Variants in INPP5D observed in about 807,000 individuals in gnomAD.
INPP5D encodes the protein phosphatidylinositol 3,4,5-trisphosphate 5-phosphatase 1.
In INPP5D, 33 loss-of-function variants were observed where a neutral mutation model predicts 122.9. That is an observed-to-expected ratio of 0.27 (90% CI 0.20 to 0.36). INPP5D has a LOEUF of 0.36. Ranked by LOEUF, INPP5D falls within the 10% of genes least tolerant of loss-of-function variation. The probability of loss-of-function intolerance (pLI) is 1.00; values close to 1 mark genes in which losing one functional copy is unlikely to be tolerated. For missense variants in INPP5D, 1,053 were observed against 1,412.7 expected, an observed-to-expected ratio of 0.75 and a Z score of 4.08; for synonymous variants, 584 against 576.2, an observed-to-expected ratio of 1.01 and a Z score of -0.19.
intron 9 of INPP5D, 93 bp downstream of exon 9, chr2:233,147,687 G>T: frequency 3.0e-6 from 2 of 674,578 alleles, no homozygotes; most frequent in East Asian, 2.7e-5. Context: ...TGCCCTGCAG[G>T]TCTGTCTTCC....
intron 26 of INPP5D, 25 bp downstream of exon 26, chr2:233,204,742 G>A (rs968600261): frequency 4.1e-6 from 6 of 1,459,760 alleles, no homozygotes; most frequent in African/African-American, 1.4e-5. Flanking sequence ...ACGTGGGTTC[G>A]TGTGCATTTG....
Position 233,092,584 on chromosome 2 carries a change from G to A in INPP5D, c.198+13186G>A, listed in dbSNP as rs142032579. Among the ~76,000 whole-genome samples, 182 of 152,312 alleles carry A rather than the reference G, an allele frequency of 1.2e-3. 1 individual carries two copies. The East Asian group carries it at 0.019, about 16-fold the overall frequency. ...GTGGTTAAATTCTCGAAGGGGAGGA[G>A]TTTAAATGGAGCTGCATGTAAATAC... On this transcript the variant is annotated intron_variant, in intron 2 of 26. Coordinates refer to ENST00000445964, the MANE Select transcript of INPP5D (RefSeq NM_001017915.3).
chr2:233,097,891 C>CT (rs1199718095), intron 2 of INPP5D, among the ~76,000 whole-genome samples: 2,633 of 142,256 alleles, frequency 0.019, 65 homozygotes, highest in African/African-American at 0.053. Context: ...TGTCTCATTT[C>CT]TTTTTTTTTT....
intron 2 of INPP5D, among the ~76,000 whole-genome samples, chr2:233,108,040 C>A (rs1692513089): frequency 6.6e-6 from 1 of 152,164 alleles, no homozygotes; most frequent in African/African-American, 2.4e-5. Context: ...AGTTTCCCCC[C>A]TCCCACCTCT....
At chr2:233,167,073 A>T (rs1163123112) in intron 13 of INPP5D, among the ~76,000 whole-genome samples, 1 of 151,886 alleles carries the variant, frequency 6.6e-6, no homozygotes, top group African/African-American at 2.4e-5. Flanking sequence ...GAATCATCTC[A>T]TTTGATATAA....
At position 233,185,853 on chromosome 2, in the gene INPP5D, G is replaced by T; in HGVS notation, c.2286G>T (p.Lys762Asn). The change falls in exon 21 of 27, where the codon AAG (lysine) becomes AAT (asparagine). Residue 762 changes from lysine (K) to asparagine (N), a missense_variant. By Grantham distance (94) the Lys-to-Asn change is moderately conservative (BLOSUM62 0). Around this residue, in one of 6 missense-constraint regions of INPP5D, gnomAD observed 258 missense variants for 439.1 expected, o/e 0.59. Coordinates refer to ENST00000445964, the MANE Select transcript of INPP5D (RefSeq NM_001017915.3). ...FHSSCLESFVKSQEGENEEGS... is the reference protein window; with the variant it reads ...FHSSCLESFVNSQEGENEEGS... ...TTTGTCCTCCAACAGGTTTTGTCAA[G>T]AGTCAGGAAGGAGAAAATGAAGAAG... 1 of 1,604,238 alleles carries T rather than the reference G, an allele frequency of 6.2e-7. No homozygotes were observed. The highest frequency in any genetic ancestry group is 8.5e-7 in the Non-Finnish European group (1 of 1,175,258).
At chr2:233,060,814 C>G (rs952986887) in intron 1 of INPP5D, among the ~76,000 whole-genome samples, 13 of 152,208 alleles carry the variant, frequency 8.5e-5, no homozygotes, top group African/African-American at 2.9e-4. Flanking sequence ...GCTGTCAGAA[C>G]CACTCTGAGG....
chr2:233,195,318 A>C lies in INPP5D; in HGVS notation c.2597-81A>C. 3 of 1,605,668 alleles carry C rather than the reference A, an allele frequency of 1.9e-6. No homozygotes were observed. The African/African-American group carries it at 4.0e-5, about 21-fold the overall frequency. On this transcript the variant is annotated intron_variant, in intron 23 of 26. Coordinates refer to ENST00000445964, the MANE Select transcript of INPP5D (RefSeq NM_001017915.3). ...ATTCACTGTGCAGCTTCAGCCTGCAAATGGAAACCCCTTTGCCATCCCTCG... is the reference window on the plus strand; with the variant it reads ...ATTCACTGTGCAGCTTCAGCCTGCACATGGAAACCCCTTTGCCATCCCTCG...
At chr2:233,199,807 C>T (rs554469839) in intron 25 of INPP5D, among the ~76,000 whole-genome samples, 26 of 151,936 alleles carry the variant, frequency 1.7e-4, no homozygotes, top group Non-Finnish European at 2.6e-4. Flanking sequence ...CCAGCCTGGG[C>T]GACAAAGCGA....
intron 2 of INPP5D, among the ~76,000 whole-genome samples, chr2:233,111,366 G>A (rs906752240): frequency 2.7e-5 from 4 of 150,724 alleles, no homozygotes; most frequent in Non-Finnish European, 1.5e-5. Context: ...ACACACACAC[G>A]CACACACACA....
Position 233,177,675 on chromosome 2 carries a change from G to A in INPP5D, c.2071+329G>A, listed in dbSNP as rs143371597. Among the ~76,000 whole-genome samples the A allele has an allele frequency of 8.5e-4, 130 of 152,286 alleles. 5 individuals carry two copies. Among genetic ancestry groups the A allele is most frequent in the African/African-American group, 2.9e-3 (121 of 41,562 alleles). ...CACAACTTCTACCTCCTGGGTTCAA[G>A]CGATTCTCGTGCCACAGCCTCCCCA... On this transcript the variant is annotated intron_variant, in intron 18 of 26. Transcript: ENST00000445964. The surrounding 1 kb of genome is among the most constrained non-coding windows in gnomAD (Gnocchi z 4.2).
chr2:233,107,548 G>A (rs1350817340), intron 2 of INPP5D, among the ~76,000 whole-genome samples: 1 of 152,248 alleles, frequency 6.6e-6, no homozygotes, highest in Non-Finnish European at 1.5e-5. Flanking sequence ...GTGGGGCAAA[G>A]CCCATGCCAG....
chr2:233,186,089 G>A (rs1022709326), intron 21 of INPP5D, among the ~76,000 whole-genome samples, 164 bp downstream of exon 21: 1 of 152,162 alleles, frequency 6.6e-6, no homozygotes, highest in Non-Finnish European at 1.5e-5. Context: ...CGCTCAAGGT[G>A]GTTCGTAACA....
intron 2 of INPP5D, among the ~76,000 whole-genome samples, chr2:233,081,754 A>T (rs761377830): frequency 1.4e-4 from 21 of 151,598 alleles, no homozygotes; most frequent in Non-Finnish European, 2.9e-4. Context: ...GGGCCTTGGA[A>T]CCAGAAGAGC....
chr2:233,187,426 G>A (rs980071863), intron 21 of INPP5D, among the ~76,000 whole-genome samples: 1 of 152,182 alleles, frequency 6.6e-6, no homozygotes, highest in Non-Finnish European at 1.5e-5. Context: ...TCCCTCAGAG[G>A]TGACACTCGA....
intron 2 of INPP5D, among the ~76,000 whole-genome samples, chr2:233,118,704 C>CCTGTGGATCTG (rs1344676314): frequency 2.0e-5 from 3 of 152,236 alleles, no homozygotes; most frequent in Non-Finnish European, 4.4e-5. Context: ...GGGGTCTGTC[C>CCTGTGGATCTG]CTGTGGATCT....
At position 233,194,013 on chromosome 2, in the gene INPP5D, G is replaced by A. The variant is rs1025746470; in HGVS notation, c.2596+52G>A. On this transcript the variant is annotated intron_variant, in intron 23 of 26. Transcript: ENST00000445964. ...CCTCTTCAGCCCCCCACTTAGGGAC[G>A]GGAACGTGCTTTCTCTCAGCAAAGC... 68 of 1,509,728 alleles carry A rather than the reference G, an allele frequency of 4.5e-5. No homozygotes were observed. The African/African-American group carries it at 6.0e-4, about 13-fold the overall frequency. The allele number at this position is 1,509,728 out of a possible 1,614,324, so 93.5% of individuals were successfully genotyped here. A position where few individuals can be genotyped will look rare whatever the true frequency, so the allele number is the denominator to read the frequency against.
In INPP5D at chr2:233,197,030, T is replaced by C. The variant is rs868817908; in HGVS notation, c.2694-1065T>C. 6.6e-6 allele frequency among the ~76,000 whole-genome samples: 1 copy of C among 152,170 alleles called. No individual in the cohort carries two copies. Among genetic ancestry groups the C allele is most frequent in the East Asian group, 1.9e-4 (1 of 5,200 alleles). Reference sequence around the variant, plus strand: ...TACTGTGTTCCAGAATCAGGATCAGTGTAGGGAAACAAATTCTTTTCCATT... The same window carrying C: ...TACTGTGTTCCAGAATCAGGATCAGCGTAGGGAAACAAATTCTTTTCCATT... On this transcript the variant is annotated intron_variant, in intron 24 of 26. Transcript: ENST00000445964. The surrounding 1 kb of genome is among the most constrained non-coding windows in gnomAD (Gnocchi z 4.4).
intron 1 of INPP5D, among the ~76,000 whole-genome samples, chr2:233,072,753 A>G (rs1232361296): frequency 1.3e-5 from 2 of 152,250 alleles, no homozygotes; most frequent in African/African-American, 2.4e-5. Flanking sequence ...CTGGCAAACA[A>G]TCATGCATAG....
Sources: allele counts gnomAD v4.1 joint callset (sites outside exome capture counted in the v4.1 genomes callset), GRCh38; gene constraint gnomAD v4.1.1; regional missense constraint gnomAD v4.1.1; non-coding constraint Gnocchi (gnomAD v3.1); transcripts MANE v1.5; gene names NCBI Gene and HGNC (gene_info 2026-07-23, HGNC 2026-07-21).